Variants in PDE11A observed in about 807,000 individuals in gnomAD.
PDE11A encodes phosphodiesterase 11A, also known as dual 3',5'-cyclic-AMP and -GMP phosphodiesterase 11A.
A neutral mutation model predicts 100.5 loss-of-function variants in PDE11A; 100 were observed. The ratio of observed to expected loss-of-function variants is 1.00; its 90% CI spans 0.85 to 1.18. PDE11A has a LOEUF of 1.18. Among genes scored for constraint, PDE11A ranks in the 50% most tolerant of loss-of-function variants. PDE11A has a pLI of 0.00. For synonymous variants in PDE11A, 381 were observed against 420.8 expected (o/e 0.91, Z 1.16); for missense variants, 1,141 against 1,152.6 (o/e 0.99, Z 0.15).
At chr2:177,911,710 C>A (rs2105743490) in intron 2 of PDE11A, among the ~76,000 whole-genome samples, 1 of 152,138 alleles carries the variant, frequency 6.6e-6, no homozygotes, top group South Asian at 2.1e-4. Flanking sequence ...ATGGTGAAAC[C>A]CCGTCTCTAC....
intron 4 of PDE11A, among the ~76,000 whole-genome samples, chr2:177,893,643 G>C (rs2105721852): frequency 6.6e-6 from 1 of 152,132 alleles, no homozygotes; most frequent in East Asian, 1.9e-4. Flanking sequence ...ATAACTATTG[G>C]TTATAACACA....
chr2:177,873,122 T>C (rs983638682), intron 5 of PDE11A, among the ~76,000 whole-genome samples: 1 of 152,154 alleles, frequency 6.6e-6, no homozygotes, highest in African/African-American at 2.4e-5. Context: ...ATGGAAGTTC[T>C]CTCAGGATTA....
At chr2:177,960,075 G>A (rs1481005458) in intron 2 of PDE11A, among the ~76,000 whole-genome samples, 1 of 151,994 alleles carries the variant, frequency 6.6e-6, no homozygotes, top group Admixed American at 6.5e-5. Flanking sequence ...GGATTGATGA[G>A]CAATCACTGT....
chr2:177,677,301 A>G (rs558554517), intron 16 of PDE11A, among the ~76,000 whole-genome samples: 5 of 152,236 alleles, frequency 3.3e-5, no homozygotes, highest in African/African-American at 1.2e-4. Flanking sequence ...ATCTCTTATT[A>G]AAGTTAAAAA....
At chr2:177,946,980 G>A (rs1460388009) in intron 2 of PDE11A, among the ~76,000 whole-genome samples, 109 of 103,582 alleles carry the variant, frequency 1.1e-3, no homozygotes, top group African/African-American at 4.1e-3. Flanking sequence ...TCAGCCCCCC[G>A]CCCGGCCAGC....
At chr2:177,774,703 G>A (rs945356899) in intron 9 of PDE11A, among the ~76,000 whole-genome samples, 4 of 152,062 alleles carry the variant, frequency 2.6e-5, no homozygotes, top group African/African-American at 4.8e-5. Flanking sequence ...TCACATATTC[G>A]TCTGCCTACA....
intron 13 of PDE11A, among the ~76,000 whole-genome samples, chr2:177,701,844 C>T (rs1048107651): frequency 2.0e-5 from 3 of 152,184 alleles, no homozygotes; most frequent in African/African-American, 2.4e-5. Flanking sequence ...CAGTGTGGAA[C>T]TCTGAAAAGT....
chr2:177,671,302 G>A (rs1321642185), intron 17 of PDE11A, among the ~76,000 whole-genome samples: 2 of 152,064 alleles, frequency 1.3e-5, no homozygotes, highest in Non-Finnish European at 1.5e-5. Flanking sequence ...CAACTGCTTT[G>A]TTGGTACTTA....
At chr2:177,707,962 A>G (rs183294460) in intron 13 of PDE11A, among the ~76,000 whole-genome samples, 66 of 152,270 alleles carry the variant, frequency 4.3e-4, no homozygotes, top group Middle Eastern at 3.4e-3. Context: ...CATAAGTGGT[A>G]GAGTGGTAGG....
At chr2:177,997,550 GTTTTCTGTTC>G in intron 2 of PDE11A, 1 of 851,210 alleles carries the variant, frequency 1.2e-6, no homozygotes, top group South Asian at 1.3e-5. Context: ...GTTCTCTTCT[GTTTTCTGTTC>G]TTTTCTGTTC....
At chr2:177,991,685 A>G (rs1478025353) in intron 2 of PDE11A, among the ~76,000 whole-genome samples, 2 of 151,272 alleles carry the variant, frequency 1.3e-5, no homozygotes, top group Admixed American at 6.6e-5. Flanking sequence ...AAATGAAAAT[A>G]TATATACTCT....
At chr2:177,797,807 T>A (rs908738461) in intron 9 of PDE11A, among the ~76,000 whole-genome samples, 1 of 152,182 alleles carries the variant, frequency 6.6e-6, no homozygotes, top group Non-Finnish European at 1.5e-5. Context: ...AATAAAAACA[T>A]GATCAACAAT....
chr2:177,977,534 A>G lies in PDE11A; in HGVS notation c.1071+36768T>C, dbSNP rs1404442790. Among the ~76,000 whole-genome samples, 7 of 104,982 alleles carry G rather than the reference A, an allele frequency of 6.7e-5. 1 individual carries two copies. The highest frequency in any genetic ancestry group is 1.2e-4 in the Non-Finnish European group (6 of 50,490). 68.9% of individuals were successfully genotyped at this position (104,982 alleles called of 152,430 possible). A position where few individuals can be genotyped will look rare whatever the true frequency, so the allele number is the denominator to read the frequency against. The stretch of plus-strand genomic sequence containing the variant: ...CTGCCCAAGGTAATTTACAGATTCA[A>G]TGCCATCCCCATCAAGCTACCAATG... On this transcript the variant is annotated intron_variant, in intron 2 of 19. Transcript: ENST00000286063.
intron 2 of PDE11A, among the ~76,000 whole-genome samples, chr2:177,946,835 G>GC (rs2085443121): frequency 2.2e-5 from 2 of 90,414 alleles, no homozygotes; most frequent in African/African-American, 9.1e-5. Flanking sequence ...GAGGGAGGTG[G>GC]GGGGGGTCAG....
chr2:177,933,375 T>A (rs2085233239), intron 2 of PDE11A, among the ~76,000 whole-genome samples: 1 of 151,904 alleles, frequency 6.6e-6, no homozygotes, highest in Non-Finnish European at 1.5e-5. Context: ...GCCAAAGCAA[T>A]CCTAAGCAAA....
intron 4 of PDE11A, among the ~76,000 whole-genome samples, chr2:177,886,733 G>T (rs917067285): frequency 5.3e-5 from 8 of 152,290 alleles, no homozygotes; most frequent in Non-Finnish European, 8.8e-5. Context: ...TGTACAGAAT[G>T]CCAGTAGAGA....
At chr2:177,936,539 C>T (rs1280146226) in intron 2 of PDE11A, among the ~76,000 whole-genome samples, 2 of 152,184 alleles carry the variant, frequency 1.3e-5, no homozygotes, top group Non-Finnish European at 2.9e-5. Context: ...CTAAAGATTT[C>T]CCATCACAGA....
chr2:177,840,691 C>A (rs1464685493), intron 5 of PDE11A, among the ~76,000 whole-genome samples: 1 of 152,108 alleles, frequency 6.6e-6, no homozygotes, highest in Non-Finnish European at 1.5e-5. Context: ...CAATAAGACA[C>A]CAACAACTAA....
intron 5 of PDE11A, among the ~76,000 whole-genome samples, chr2:177,874,171 C>A (rs1392146524): frequency 1.3e-5 from 2 of 152,112 alleles, no homozygotes; most frequent in African/African-American, 4.8e-5. Flanking sequence ...ATCTAAGTGA[C>A]CTTGTCCTTG....
Sources: allele counts gnomAD v4.1 joint callset (sites outside exome capture counted in the v4.1 genomes callset), GRCh38; gene constraint gnomAD v4.1.1; transcripts MANE v1.5; gene names NCBI Gene and HGNC (gene_info 2026-07-23, HGNC 2026-07-21).